The following SEMA3E variants were observed in gnomAD, a reference collection of about 807,000 sequenced individuals.
SEMA3E encodes the protein semaphorin 3E, also known as semaphorin-3E.
Under a neutral mutation model 93.6 loss-of-function variants are expected in SEMA3E, and 49 were observed. The ratio of observed to expected loss-of-function variants is 0.52; its 90% CI spans 0.42 to 0.66. The LOEUF is 0.66. Ranked by LOEUF, SEMA3E falls within the 30% of genes least tolerant of loss-of-function variation. SEMA3E has a pLI of 0.00. For synonymous variants in SEMA3E, 363 were observed against 330.7 expected, an observed-to-expected ratio of 1.10 and a Z score of -1.06; for missense variants, 906 against 964.8, an observed-to-expected ratio of 0.94 and a Z score of 0.81.
intron 1 of SEMA3E, among the ~76,000 whole-genome samples, chr7:83,515,098 T>C (rs963454059): frequency 4.6e-5 from 7 of 152,112 alleles, no homozygotes; most frequent in African/African-American, 1.7e-4. Flanking sequence ...GACGTTAAAC[T>C]AAGCAACAGT....
intron 1 of SEMA3E, among the ~76,000 whole-genome samples, chr7:83,539,457 A>G (rs962092509): frequency 3.9e-5 from 6 of 152,130 alleles, no homozygotes; most frequent in African/African-American, 7.2e-5. Context: ...TAGAGCGCCA[A>G]TTTGTCCCAA....
intron 1 of SEMA3E, among the ~76,000 whole-genome samples, chr7:83,522,315 T>C (rs1791065952): frequency 6.6e-6 from 1 of 152,096 alleles, no homozygotes; most frequent in Non-Finnish European, 1.5e-5. Context: ...CATTAGCTAA[T>C]GGAGCTATTT....
At chr7:83,496,409 T>A (rs569858211) in intron 1 of SEMA3E, among the ~76,000 whole-genome samples, 94 of 152,176 alleles carry the variant, frequency 6.2e-4, no homozygotes, top group African/African-American at 2.1e-3. Context: ...TTCAAAATTA[T>A]TTAATGGCAA....
chr7:83,466,914 C>T (rs1188462057), intron 3 of SEMA3E, among the ~76,000 whole-genome samples: 1 of 152,112 alleles, frequency 6.6e-6, no homozygotes, highest in African/African-American at 2.4e-5. Flanking sequence ...TGTAAAAATT[C>T]TCATGACAAT....
intron 4 of SEMA3E, among the ~76,000 whole-genome samples, chr7:83,464,360 C>T (rs1375025946): frequency 6.6e-6 from 1 of 150,766 alleles, no homozygotes; most frequent in Admixed American, 6.7e-5. Context: ...AGACACCAGA[C>T]CAACTTAGAC....
At chr7:83,386,021 C>G (rs147449511) in intron 15 of SEMA3E, among the ~76,000 whole-genome samples, 217 of 152,242 alleles carry the variant, frequency 1.4e-3, no homozygotes, top group African/African-American at 5.1e-3. Context: ...CAGGCAAGTA[C>G]ACTTAGCTGC....
At chr7:83,392,451 T>C in intron 14 of SEMA3E, 104 bp downstream of exon 14, 1 of 1,277,138 alleles carries the variant, frequency 7.8e-7, no homozygotes, top group Non-Finnish European at 1.1e-6. Flanking sequence ...TACACAATAA[T>C]TAATACAGGT....
At chr7:83,407,857 G>A (rs1788358553) in intron 6 of SEMA3E, among the ~76,000 whole-genome samples, 1 of 152,040 alleles carries the variant, frequency 6.6e-6, no homozygotes, top group South Asian at 2.1e-4. Flanking sequence ...TAATTAAAAT[G>A]CTCACCATAA....
rs535548590 is a variant in SEMA3E at position 83,500,361 on chromosome 7, G to A, written c.116-10087C>T. On this transcript the variant is annotated intron_variant, in intron 1 of 16. Coordinates refer to ENST00000643230, the MANE Select transcript of SEMA3E (RefSeq NM_012431.3). Reference sequence around the variant, plus strand: ...TGAGGCAGGAGAATTGCTTGAACCCGAGAGGTGGAGGTTGCAGTGAGCTGA... The same window carrying A: ...TGAGGCAGGAGAATTGCTTGAACCCAAGAGGTGGAGGTTGCAGTGAGCTGA... Among the ~76,000 whole-genome samples the A allele has an allele frequency of 1.1e-3, 162 of 152,098 alleles. 1 individual carries two copies. Among genetic ancestry groups the A allele is most frequent in the African/African-American group, 3.8e-3 (157 of 41,546 alleles).
intron 4 of SEMA3E, among the ~76,000 whole-genome samples, chr7:83,450,983 G>A (rs1562787990): frequency 6.6e-6 from 1 of 151,460 alleles, no homozygotes; most frequent in Non-Finnish European, 1.5e-5. Context: ...TAATCCCCCT[G>A]GTCATGGGAG....
chr7:83,394,241 A>G (rs1788073864), intron 13 of SEMA3E, 56 bp downstream of exon 13: 1 of 1,551,152 alleles, frequency 6.4e-7, no homozygotes, highest in Non-Finnish European at 8.8e-7. Flanking sequence ...CTTTGACCTT[A>G]CCTTAGCTCA....
intron 1 of SEMA3E, among the ~76,000 whole-genome samples, chr7:83,635,880 A>AC (rs908982360): frequency 1.2e-4 from 11 of 93,518 alleles, no homozygotes; most frequent in Admixed American, 6.2e-4. Flanking sequence ...AGACAGACTG[A>AC]CAAAAAAAAA....
intron 1 of SEMA3E, among the ~76,000 whole-genome samples, chr7:83,643,496 T>C (rs1277811877): frequency 1.3e-5 from 2 of 151,928 alleles, no homozygotes; most frequent in Non-Finnish European, 2.9e-5. Flanking sequence ...CCTATTACCA[T>C]ACTAAAAGAT....
intron 6 of SEMA3E, 137 bp from the exon 7 acceptor site, chr7:83,407,376 A>T (rs1181797398): frequency 1.2e-6 from 1 of 803,404 alleles, no homozygotes. Context: ...TTTTTCTTGA[A>T]TTTTTTTACC....
At chr7:83,475,312 G>C (rs1283903318) in intron 2 of SEMA3E, among the ~76,000 whole-genome samples, 1 of 152,016 alleles carries the variant, frequency 6.6e-6, no homozygotes, top group Non-Finnish European at 1.5e-5. Context: ...ACTGTTTAGG[G>C]GTTAATTCTC....
At chr7:83,391,849 CT>C (rs1320599081) in intron 14 of SEMA3E, among the ~76,000 whole-genome samples, 1 of 152,046 alleles carries the variant, frequency 6.6e-6, no homozygotes, top group Non-Finnish European at 1.5e-5. Context: ...CTATTGTTTG[CT>C]TTATTTTGTC....
At chr7:83,461,618 G>C (rs1282227712) in intron 4 of SEMA3E, among the ~76,000 whole-genome samples, 1 of 151,828 alleles carries the variant, frequency 6.6e-6, no homozygotes, top group Non-Finnish European at 1.5e-5. Flanking sequence ...TTCATGGCTC[G>C]TTTGGCAGCA....
intron 1 of SEMA3E, among the ~76,000 whole-genome samples, chr7:83,570,886 T>TAA (rs148320695): frequency 1.9e-4 from 28 of 149,952 alleles, no homozygotes; most frequent in South Asian, 2.1e-4. Context: ...CCACAGAAAT[T>TAA]TAAAAAAAGA....
intron 1 of SEMA3E, among the ~76,000 whole-genome samples, chr7:83,606,152 G>C (rs917035418): frequency 2.0e-5 from 3 of 152,160 alleles, no homozygotes; most frequent in African/African-American, 7.2e-5. Context: ...ATTGAAAATT[G>C]ACTGCTGTCT....
Sources: gnomAD v4.1 joint callset for allele counts (sites outside exome capture counted in the v4.1 genomes callset) on GRCh38, gnomAD v4.1.1 for gene constraint, MANE v1.5 for transcripts, NCBI Gene and HGNC (gene_info 2026-07-23, HGNC 2026-07-21) for gene names.